EDDM13: variants seen among roughly 807,000 people sequenced by gnomAD.
The protein encoded by EDDM13 is epididymal protein 13.
In EDDM13, 24 loss-of-function variants were observed where a neutral mutation model predicts 17.8. The observed-to-expected ratio is 1.35, with a 90% CI of 0.98 to 1.90. EDDM13 has a LOEUF of 1.90. Among genes scored for constraint, EDDM13 ranks in the 40% most tolerant of loss-of-function variants. EDDM13 has a pLI of 0.00. For synonymous variants in EDDM13, 31 were observed against 37.5 expected (o/e 0.83, Z 0.63); for missense variants, 97 against 100.8 (o/e 0.96, Z 0.16).
At chr19:56,277,648 C>G (rs1238972633) in intron 2 of EDDM13, among the ~76,000 whole-genome samples, 1 of 152,018 alleles carries the variant, frequency 6.6e-6, no homozygotes, top group Non-Finnish European at 1.5e-5. Flanking sequence ...TCCTACAAAC[C>G]ACTGAAATGG....
At chr19:56,295,549 C>G (rs1002762135) in intron 9 of EDDM13, among the ~76,000 whole-genome samples, 1 of 151,984 alleles carries the variant, frequency 6.6e-6, no homozygotes. Flanking sequence ...GAGCCGAGAT[C>G]GTCCCACTGC....
intron 12 of EDDM13, chr19:56,298,249 T>A (rs1027020760): frequency 4.6e-5 from 7 of 152,074 alleles, no homozygotes; most frequent in African/African-American, 1.7e-4. Context: ...AATAAGGTGA[T>A]CATTGGAGAA....
chr19:56,281,400 CTG>C (rs2038694238), intron 2 of EDDM13, among the ~76,000 whole-genome samples: 1 of 152,036 alleles, frequency 6.6e-6, no homozygotes, highest in Non-Finnish European at 1.5e-5. Context: ...AAATATATAT[CTG>C]TAAGATTAAT....
At chr19:56,298,163 T>C (rs2040001806) in intron 12 of EDDM13, 1 of 147,922 alleles carries the variant, frequency 6.8e-6, no homozygotes, top group African/African-American at 2.5e-5. Context: ...CAAGAAAAAA[T>C]AGAGGAGAAA....
At chr19:56,307,311 C>CTT (rs2040756204) in intron 14 of EDDM13, among the ~76,000 whole-genome samples, 1 of 152,196 alleles carries the variant, frequency 6.6e-6, no homozygotes, top group Non-Finnish European at 1.5e-5. Context: ...ACCCCCACCC[C>CTT]CTGCTGCAGT....
intron 13 of EDDM13, chr19:56,302,922 G>T (rs1452897102): frequency 5.0e-6 from 2 of 398,424 alleles, no homozygotes; most frequent in African/African-American, 4.1e-5. Flanking sequence ...TCCTAATTCT[G>T]TAAGGGAGGC....
intron 13 of EDDM13, among the ~76,000 whole-genome samples, chr19:56,303,851 T>G (rs1165365418): frequency 1.3e-5 from 2 of 152,134 alleles, no homozygotes; most frequent in Non-Finnish European, 2.9e-5. Context: ...AGTGGAAGGA[T>G]CTTGCCTTCA....
At chr19:56,288,823 T>C (rs1319350218) in intron 7 of EDDM13, among the ~76,000 whole-genome samples, 51 bp from the exon 8 acceptor site, 1 of 152,210 alleles carries the variant, frequency 6.6e-6, no homozygotes, top group Non-Finnish European at 1.5e-5. Flanking sequence ...GATTTCTCTC[T>C]CTACTCTGCC....
intron 9 of EDDM13, among the ~76,000 whole-genome samples, chr19:56,295,310 A>T (rs1391154583): frequency 6.6e-6 from 1 of 152,044 alleles, no homozygotes; most frequent in Non-Finnish European, 1.5e-5. Context: ...ACATGGAAAA[A>T]AGGCCTGGCA....
chr19:56,307,775 C>T (rs899284956), intron 14 of EDDM13, among the ~76,000 whole-genome samples: 2 of 152,216 alleles, frequency 1.3e-5, no homozygotes, highest in Non-Finnish European at 2.9e-5. Context: ...ATAAAAATTT[C>T]AGTCCATGTG....
intron 9 of EDDM13, among the ~76,000 whole-genome samples, 90 bp downstream of exon 9, chr19:56,290,936 T>C (rs187012635): frequency 5.3e-5 from 8 of 152,310 alleles, no homozygotes; most frequent in African/African-American, 1.7e-4. Context: ...AATCTTTGGA[T>C]AGTTCTTCTC....
chr19:56,286,313 C>T (rs1333338924), intron 6 of EDDM13: 2 of 152,184 alleles, frequency 1.3e-5, no homozygotes, highest in African/African-American at 2.4e-5. Flanking sequence ...AGCCCCGCAC[C>T]TGACCCAAAC....
intron 2 of EDDM13, among the ~76,000 whole-genome samples, chr19:56,278,920 C>A (rs943385718): frequency 6.6e-6 from 1 of 152,200 alleles, no homozygotes; most frequent in African/African-American, 2.4e-5. Flanking sequence ...GGGCCTCCAT[C>A]CAACTGGATG....
At chr19:56,273,199 G>A (rs1196972837) in intron 1 of EDDM13, among the ~76,000 whole-genome samples, 1 of 152,168 alleles carries the variant, frequency 6.6e-6, no homozygotes, top group Non-Finnish European at 1.5e-5. Context: ...GTCCTCATCT[G>A]ACCAACGGGG....
At chr19:56,307,642 G>C (rs1409219984) in intron 14 of EDDM13, among the ~76,000 whole-genome samples, 1 of 152,152 alleles carries the variant, frequency 6.6e-6, no homozygotes, top group African/African-American at 2.4e-5. Context: ...AGCCCACAGA[G>C]ATAAGTCACT....
intron 2 of EDDM13, among the ~76,000 whole-genome samples, chr19:56,277,145 A>C (rs1006593375): frequency 4.6e-5 from 7 of 152,134 alleles, no homozygotes; most frequent in African/African-American, 1.7e-4. Flanking sequence ...TGTTCCTCAA[A>C]ATGTTAAACA....
At chr19:56,283,078 A>T (rs936416214) in intron 4 of EDDM13, 1 of 152,170 alleles carries the variant, frequency 6.6e-6, no homozygotes, top group African/African-American at 2.4e-5. Context: ...TAGGTGGGGC[A>T]ATCTTAGAGA....
Position 56,310,290 on chromosome 19 carries a change from C to T in EDDM13, c.*142C>T, listed in dbSNP as rs1198309083. 1.3e-5 allele frequency: 2 copies of T among 152,164 alleles called. No homozygotes were observed. The highest frequency in any genetic ancestry group is 1.5e-5 in the Non-Finnish European group (1 of 68,078). The allele number at this position is 152,164 out of a possible 1,614,324, so 9.4% of individuals were successfully genotyped here. A position where few individuals can be genotyped will look rare whatever the true frequency, so the allele number is the denominator to read the frequency against. On this transcript the variant is annotated 3_prime_UTR_variant, in exon 15 of 15. Transcript: ENST00000649256. ...CCTTTAAGGAATGGCACCTGGGTGC[C>T]CAGAGGCATGGCCAGAAGGTGTCTG...
chr19:56,284,345 G>A, intron 5 of EDDM13, 139 bp downstream of exon 5: 1 of 207,180 alleles, frequency 4.8e-6, no homozygotes, highest in Non-Finnish European at 8.5e-6. Context: ...ATGGTGCAAG[G>A]ATTTTGTGCA....
Sources: allele counts gnomAD v4.1 joint callset (sites outside exome capture counted in the v4.1 genomes callset), GRCh38; gene constraint gnomAD v4.1.1; transcripts MANE v1.5; gene names NCBI Gene and HGNC (gene_info 2026-07-23, HGNC 2026-07-21).